The following BCL2L12 variants were observed in gnomAD, a reference collection of about 807,000 sequenced individuals.
BCL2L12 encodes BCL2 like 12, also known as bcl-2-like protein 12.
BCL2L12 carries 27 observed loss-of-function variants against 25.7 expected under a neutral mutation model. That is an observed-to-expected ratio of 1.05 (90% CI 0.78 to 1.45). BCL2L12 has a LOEUF of 1.45. BCL2L12 is among the 40% of genes most tolerant of loss of function. The probability of loss-of-function intolerance (pLI) is 0.00; values close to 1 mark genes in which losing one functional copy is unlikely to be tolerated. For synonymous variants in BCL2L12, 132 were observed against 145.6 expected, an observed-to-expected ratio of 0.91 and a Z score of 0.67; for missense variants, 302 against 329.8, an observed-to-expected ratio of 0.92 and a Z score of 0.65.
chr19:49,673,644 G>A, intron 6 of BCL2L12, 54 bp from the exon 7 acceptor site: 2 of 1,450,670 alleles, frequency 1.4e-6, no homozygotes, highest in Non-Finnish European at 1.9e-6. Flanking sequence ...GGACGCTGCT[G>A]TATGGGGGGA....
chr19:49,673,762 A>G lies in BCL2L12; in HGVS notation c.*14A>G, dbSNP rs758241660. On this transcript the variant is annotated 3_prime_UTR_variant, in exon 7 of 7. Coordinates refer to ENST00000246784, the MANE Select transcript of BCL2L12 (RefSeq NM_138639.2). ...CCATTGGACTGAGCTCTTTCTCAGA[A>G]GCTGCTACAAGATGACACCTCATGT... is the stretch of plus-strand genomic sequence containing the variant. 6.2e-7 allele frequency: 1 copy of G among 1,614,024 alleles called. No individual in the cohort carries two copies. The highest frequency in any genetic ancestry group is 1.3e-5 in the African/African-American group (1 of 75,034).
Position 49,669,146 on chromosome 19 carries a change from G to A in BCL2L12, c.429+31G>A, listed in dbSNP as rs759798551. 6.8e-6 allele frequency: 11 copies of A among 1,609,772 alleles called. No homozygotes were observed. In the African/African-American group the frequency reaches 1.2e-4, roughly 18 times the overall value. On this transcript the variant is annotated intron_variant, in intron 5 of 6. Coordinates refer to ENST00000246784, the MANE Select transcript of BCL2L12 (RefSeq NM_138639.2). The stretch of plus-strand genomic sequence containing the variant: ...GGGCATCTGTCCCACTCCTTGGCAA[G>A]GACAGGAGTTGCGGAATGGTGGGGC...
At chr19:49,665,666 A>G, upstream of BCL2L12, 2 of 988,288 alleles carry the variant, frequency 2.0e-6, no homozygotes, top group Non-Finnish European at 2.9e-6. Flanking sequence ...GGCAGCTGGA[A>G]CCCACCCCTG....
chr19:49,666,241 G>C (rs2081751443), intron 1 of BCL2L12, among the ~76,000 whole-genome samples, 174 bp downstream of exon 1: 1 of 152,254 alleles, frequency 6.6e-6, no homozygotes, highest in South Asian at 2.1e-4. Flanking sequence ...CGGCGAAGAA[G>C]CGCGGACCTA....
chr19:49,665,600 A>C, upstream of BCL2L12: 1 of 565,744 alleles, frequency 1.8e-6, no homozygotes, highest in South Asian at 2.3e-5. Flanking sequence ...CTCGGACGCC[A>C]CCAACGCTCT....
In BCL2L12 at chr19:49,665,962, G is replaced by A. The variant is rs757843109; in HGVS notation, c.-114G>A. 1.2e-6 allele frequency: 2 copies of A among 1,613,304 alleles called. No individual in the cohort carries two copies. Among genetic ancestry groups the A allele is most frequent in the Non-Finnish European group, 1.7e-6 (2 of 1,179,660 alleles). On this transcript the variant is annotated 5_prime_UTR_variant, in exon 1 of 7. Transcript: ENST00000246784. Reference sequence around the variant, plus strand: ...TCTACGCTGGGCCGGTTATCGACCCGGCCCAGTGCGCAGGCGCGGGAAAGT... The same window carrying A: ...TCTACGCTGGGCCGGTTATCGACCCAGCCCAGTGCGCAGGCGCGGGAAAGT...
chr19:49,668,607 C>T (rs2081878721), intron 3 of BCL2L12, among the ~76,000 whole-genome samples: 1 of 151,890 alleles, frequency 6.6e-6, no homozygotes, highest in Non-Finnish European at 1.5e-5. Context: ...CTGGGCAACA[C>T]GGTGAAACCC....
In BCL2L12 at chr19:49,670,280, T is replaced by G; in HGVS notation, c.494T>G (p.Leu165Arg). The part of the protein sequence containing the change: ...VRLSSDSFAR[L>R]VELFCSRDDS... The stretch of plus-strand genomic sequence containing the variant: ...CTGTCCTCCGACTCTTTCGCCCGCC[T>G]GGTGGAGCTGTTCTGTAGCCGGGAT... The change falls in exon 6 of 7, where the codon CTG (leucine) becomes CGG (arginine). Residue 165 changes from leucine to arginine, a missense_variant. By Grantham distance (102) the Leu-to-Arg change is moderately radical. Coordinates refer to ENST00000246784, the MANE Select transcript of BCL2L12 (RefSeq NM_138639.2). 1 of 1,611,354 alleles carries G rather than the reference T, an allele frequency of 6.2e-7. No homozygotes were observed. The highest frequency in any genetic ancestry group is 8.5e-7 in the Non-Finnish European group (1 of 1,179,546).
At chr19:49,668,223 G>T (rs1224043724) in intron 3 of BCL2L12, among the ~76,000 whole-genome samples, 1 of 151,006 alleles carries the variant, frequency 6.6e-6, no homozygotes, top group African/African-American at 2.4e-5. Flanking sequence ...AGCCTCCCAA[G>T]TAGCTGGGAT....
rs775430549 is a variant in BCL2L12, at chr19:49,669,020, C to G, written c.338-4C>G. ...CCCCCAGCCAAATTCTCTTCTGCCT[C>G]CAGAATTACAGGGTCCCCCATCGAC... On this transcript the variant is annotated splice_region_variant and splice_polypyrimidine_tract_variant and intron_variant, in intron 4 of 6. Transcript: ENST00000246784. 1.9e-6 allele frequency: 3 copies of G among 1,613,858 alleles called. No homozygotes were observed. Among genetic ancestry groups the G allele is most frequent in the Admixed American group, 1.7e-5 (1 of 59,974 alleles).
intron 3 of BCL2L12, 132 bp downstream of exon 3, chr19:49,667,293 C>T: frequency 1.6e-5 from 20 of 1,249,752 alleles, no homozygotes; most frequent in Non-Finnish European, 2.2e-5. Context: ...GTCCTGTCCT[C>T]TCCCCTCCCC....
At chr19:49,666,190 AG>A (rs773535215) in intron 1 of BCL2L12, 123 bp downstream of exon 1, 115 of 1,313,922 alleles carry the variant, frequency 8.8e-5, no homozygotes, top group Middle Eastern at 8.2e-4. Context: ...AGATTCCAGC[AG>A]GGGTCGGAGA....
chr19:49,669,704 A>G (rs1198695844), intron 5 of BCL2L12, among the ~76,000 whole-genome samples: 3 of 151,778 alleles, frequency 2.0e-5, no homozygotes, highest in African/African-American at 7.3e-5. Context: ...TGGGGAAGTA[A>G]GTGAATGAAT....
chr19:49,668,788 G>A (rs1052081801), intron 3 of BCL2L12, 63 bp from the exon 4 acceptor site: 1 of 1,468,738 alleles, frequency 6.8e-7, no homozygotes, highest in Admixed American at 1.8e-5. Flanking sequence ...GTAGTTGGGG[G>A]AAGGAGAGAA....
At chr19:49,670,729 A>G (rs2122862298) in intron 6 of BCL2L12, among the ~76,000 whole-genome samples, 1 of 152,330 alleles carries the variant, frequency 6.6e-6, no homozygotes, top group African/African-American at 2.4e-5. Context: ...GAGGTTACTC[A>G]GGGAGAGGCC....
rs1309769551 is a variant in BCL2L12, at chr19:49,672,603, G to A, written c.703-1095G>A. Reference sequence around the variant, plus strand: ...GTGGATCTCACCCAAGTCGGGGGCGGTGGAGAATGCTGGATTTAACTTAGC... The same window carrying A: ...GTGGATCTCACCCAAGTCGGGGGCGATGGAGAATGCTGGATTTAACTTAGC... On this transcript the variant is annotated intron_variant, in intron 6 of 6. Transcript: ENST00000246784. The surrounding 1 kb of genome is among the most constrained non-coding windows in gnomAD (Gnocchi z 4.1). Among the ~76,000 whole-genome samples the A allele has an allele frequency of 1.3e-5, 2 of 152,198 alleles. No homozygotes were observed. Among genetic ancestry groups the A allele is most frequent in the African/African-American group, 2.4e-5 (1 of 41,444 alleles).
chr19:49,671,263 G>A (rs2081956898), intron 6 of BCL2L12, among the ~76,000 whole-genome samples: 1 of 152,072 alleles, frequency 6.6e-6, no homozygotes, highest in Admixed American at 6.5e-5. Context: ...AGGAGTTTGA[G>A]ACCAGCCTGA....
chr19:49,670,096 G>A (rs1159931888), intron 5 of BCL2L12, 120 bp from the exon 6 acceptor site: 5 of 1,312,990 alleles, frequency 3.8e-6, no homozygotes, highest in Non-Finnish European at 5.1e-6. Context: ...TATGGATGAG[G>A]GGTGGCCTAG....
Position 49,666,026 on chromosome 19 carries a change from C to A in BCL2L12, c.-50C>A. ...TTTGTACGAGTTCAGTGGAGGAGAC[C>A]GCAAGTTGAGTGGAGGAGGCGGCGG... On this transcript the variant is annotated 5_prime_UTR_variant, in exon 1 of 7. Coordinates refer to ENST00000246784, the MANE Select transcript of BCL2L12 (RefSeq NM_138639.2). 1.3e-6 allele frequency: 2 copies of A among 1,574,318 alleles called. No homozygotes were observed. The highest frequency in any genetic ancestry group is 1.7e-6 in the Non-Finnish European group (2 of 1,157,992).
Sources: allele counts gnomAD v4.1 joint callset (sites outside exome capture counted in the v4.1 genomes callset), GRCh38; gene constraint gnomAD v4.1.1; non-coding constraint Gnocchi (gnomAD v3.1); transcripts MANE v1.5; gene names NCBI Gene and HGNC (gene_info 2026-07-23, HGNC 2026-07-21).